The following ANK2 variants were observed in gnomAD, a reference collection of about 807,000 sequenced individuals.
ANK2 encodes ankyrin 2, also known as ankyrin-2.
Under a neutral mutation model 360.5 loss-of-function variants are expected in ANK2, and 83 were observed. That is an observed-to-expected ratio of 0.23 (90% CI 0.19 to 0.28). The LOEUF (loss-of-function observed/expected upper bound fraction) is 0.28, where lower values mean the gene tolerates loss of function less well. ANK2 is among the 10% of genes least tolerant of loss of function. ANK2 has a pLI of 1.00. For missense variants in ANK2, 4,201 were observed against 4,795.7 expected, an observed-to-expected ratio of 0.88 and a Z score of 3.66; for synonymous variants, 1,740 against 1,759.5, an observed-to-expected ratio of 0.99 and a Z score of 0.28.
intron 1 of ANK2, among the ~76,000 whole-genome samples, chr4:113,110,740 G>A (rs2094202168): frequency 6.6e-6 from 1 of 152,092 alleles, no homozygotes; most frequent in South Asian, 2.1e-4. Context: ...TGTTTTATAA[G>A]TATTCTATAT....
chr4:113,115,383 T>C (rs1192366165), intron 1 of ANK2, among the ~76,000 whole-genome samples: 1 of 152,170 alleles, frequency 6.6e-6, no homozygotes. Context: ...AGAAAGCTAA[T>C]GCTCCCCATA....
chr4:113,102,327 T>C (rs1348444468), intron 1 of ANK2, among the ~76,000 whole-genome samples: 3 of 151,956 alleles, frequency 2.0e-5, no homozygotes, highest in East Asian at 3.9e-4. Flanking sequence ...TGGGGAAGCC[T>C]GGAGAAAAAA....
intron 45 of ANK2, chr4:113,378,228 A>AT: frequency 1.0e-6 from 1 of 978,660 alleles, no homozygotes; most frequent in Non-Finnish European, 1.4e-6. Flanking sequence ...CACCATAAAA[A>AT]TTTTTCCAAT....
chr4:113,356,146 C>T lies in ANK2; in HGVS notation c.7528C>T (p.Leu2510Phe), dbSNP rs1293101023. 15 of 1,614,094 alleles carry T rather than the reference C, an allele frequency of 9.3e-6. No individual in the cohort carries two copies. The highest frequency in any genetic ancestry group is 1.1e-5 in the Non-Finnish European group (13 of 1,179,992). The change falls in exon 38 of 46, where the codon CTC (leucine) becomes TTC (phenylalanine). Residue 2510 changes from leucine to phenylalanine, a missense_variant. By Grantham distance (22) the Leu-to-Phe change is conservative (BLOSUM62 0). Transcript: ENST00000357077. ...TEVASVRSRLLRDPDGSAEDD... is the reference protein window; with the variant it reads ...TEVASVRSRLFRDPDGSAEDD... ...AGTGGCCTCTGTGCGGTCCCGGCTA[C>T]TCCGAGACCCTGATGGCAGTGCTGA... is the stretch of plus-strand genomic sequence containing the variant.
intron 1 of ANK2, among the ~76,000 whole-genome samples, chr4:113,120,900 T>C (rs1342972969): frequency 1.3e-5 from 2 of 152,194 alleles, no homozygotes; most frequent in Admixed American, 6.5e-5. Context: ...AGGATCACCA[T>C]AAATTTTCAA....
the ANK2 span, among the ~76,000 whole-genome samples, chr4:112,712,955 A>G: frequency 4.6e-5 from 7 of 152,164 alleles, no homozygotes; most frequent in East Asian, 1.3e-3. Flanking sequence ...ATCTAGGTAG[A>G]GAATAGTTCT....
chr4:113,237,072 A>G lies in ANK2; in HGVS notation c.569A>G (p.Lys190Arg). The G allele has an allele frequency of 6.2e-7, 1 of 1,614,178 alleles. No homozygotes were observed. Among genetic ancestry groups the G allele is most frequent in the African/African-American group, 1.3e-5 (1 of 75,052 alleles). ...CTCTTGGAGAATGACACCAAAGGGA[A>G]AGTGAGGCTGCCAGCTCTGCATATT... ...AILLENDTKGKVRLPALHIAA... is the reference protein window; with the variant it reads ...AILLENDTKGRVRLPALHIAA... Residue 190 changes from lysine to arginine, a missense_variant, in exon 6 of 46, where the codon AAA becomes AGA. Lys to Arg is a conservative substitution (Grantham distance 26, BLOSUM62 2). This residue lies in a region of ANK2 where 122 missense variants were observed against 239.3 expected (regional missense o/e 0.51). Coordinates refer to ENST00000357077, the MANE Select transcript of ANK2 (RefSeq NM_001148.6).
chr4:113,100,440 C>G (rs911986521), intron 1 of ANK2, among the ~76,000 whole-genome samples: 1 of 152,054 alleles, frequency 6.6e-6, no homozygotes, highest in East Asian at 1.9e-4. Context: ...CAGTACAAAC[C>G]TATTAGAATT....
chr4:113,247,711 T>C (rs1249994318), intron 9 of ANK2, among the ~76,000 whole-genome samples: 2 of 152,202 alleles, frequency 1.3e-5, no homozygotes, highest in African/African-American at 4.8e-5. Context: ...TTAGAGAGAT[T>C]CATCCATGGT....
chr4:113,336,385 G>A (rs2093536285), intron 30 of ANK2, 192 bp from the exon 31 acceptor site: 4 of 615,952 alleles, frequency 6.5e-6, no homozygotes, highest in Non-Finnish European at 8.2e-6. Context: ...ATCAGAGATC[G>A]TGGATCTTAC....
At chr4:112,945,677 C>A (rs2094499650) in intron 2 of ANK2, among the ~76,000 whole-genome samples, 2 of 152,164 alleles carry the variant, frequency 1.3e-5, no homozygotes, top group Non-Finnish European at 2.9e-5. Flanking sequence ...ACACAGGACA[C>A]CACCCCTGCC....
At chr4:112,856,353 G>A (rs1486285759) in intron 1 of ANK2, among the ~76,000 whole-genome samples, 6 of 152,150 alleles carry the variant, frequency 3.9e-5, no homozygotes, top group Non-Finnish European at 1.5e-5. Context: ...AGTTCCCAAT[G>A]TCTTACAACT....
chr4:112,821,799 G>C (rs2057132223), intron 1 of ANK2, among the ~76,000 whole-genome samples: 1 of 145,768 alleles, frequency 6.9e-6, no homozygotes, highest in South Asian at 2.2e-4. Context: ...GAAAGGGTCT[G>C]TCTGTCACCC....
chr4:112,981,304 G>A (rs888462483), intron 2 of ANK2, among the ~76,000 whole-genome samples: 5 of 152,210 alleles, frequency 3.3e-5, no homozygotes, highest in African/African-American at 1.2e-4. Context: ...GTAGGCAATG[G>A]CAAGATATCA....
chr4:112,762,210 C>T, the ANK2 span, among the ~76,000 whole-genome samples: 21,297 of 152,120 alleles, frequency 0.14, 2,258 homozygotes, highest in East Asian at 0.49. Flanking sequence ...CAATTGATTA[C>T]TCAAGTTAAA....
chr4:112,797,284 C>G, the ANK2 span: 1 of 152,494 alleles, frequency 6.6e-6, no homozygotes, highest in Admixed American at 6.6e-5. Context: ...TGTACTTTTT[C>G]TGTTTTTTTG....
chr4:112,876,921 G>T lies in ANK2; in HGVS notation c.-39-27534G>T, dbSNP rs568393320. Among the ~76,000 whole-genome samples the T allele has an allele frequency of 1.2e-4, 19 of 152,218 alleles. No individual in the cohort carries two copies. In the East Asian group the frequency reaches 3.7e-3, roughly 29 times the overall value. The stretch of plus-strand genomic sequence containing the variant: ...TGCACTGATAGATAAAAAGTACAGT[G>T]TAGCTGTACTGAAAATGACATGGAA... On this transcript the variant is annotated intron_variant, in intron 1 of 30. Coordinates refer to the ANK2 transcript ENST00000503271.
chr4:112,828,970 G>A (rs1074565), intron 1 of ANK2, among the ~76,000 whole-genome samples: 110,779 of 152,050 alleles, frequency 0.73, 41,260 homozygotes, highest in East Asian at 0.97. Flanking sequence ...GCTGGCCAAT[G>A]TGGTGAAACC....
the ANK2 span, among the ~76,000 whole-genome samples, chr4:112,757,113 T>TTTC: frequency 7.5e-6 from 1 of 132,498 alleles, no homozygotes; most frequent in Non-Finnish European, 1.7e-5. Flanking sequence ...TTTTCTTTTC[T>TTTC]TTTTTTTTTT....
Sources: allele counts gnomAD v4.1 joint callset (sites outside exome capture counted in the v4.1 genomes callset), GRCh38; gene constraint gnomAD v4.1.1; regional missense constraint gnomAD v4.1.1; transcripts MANE v1.5; gene names NCBI Gene and HGNC (gene_info 2026-07-23, HGNC 2026-07-21).